The following RBFOX1 variants were observed in gnomAD, a reference collection of about 807,000 sequenced individuals.
The protein encoded by RBFOX1 is RNA binding protein fox-1 homolog 1.
Under a neutral mutation model 57.7 loss-of-function variants are expected in RBFOX1, and 8 were observed. That is an observed-to-expected ratio of 0.14 (90% confidence interval 0.08 to 0.25). RBFOX1 has a LOEUF of 0.25. RBFOX1 is among the 10% of genes least tolerant of loss of function. The probability of loss-of-function intolerance (pLI) is 1.00; values close to 1 mark genes in which losing one functional copy is unlikely to be tolerated. For missense variants in RBFOX1, 611 were observed against 548.5 expected (o/e 1.11, Z -1.14); for synonymous variants, 326 against 222.4 (o/e 1.47, Z -4.15).
chr16:6,479,415 C>A (rs1218815313), intron 2 of RBFOX1, among the ~76,000 whole-genome samples: 2 of 152,014 alleles, frequency 1.3e-5, no homozygotes, highest in African/African-American at 4.8e-5. Context: ...TGGTGAAACC[C>A]TGTCTCTACT....
intron 2 of RBFOX1, among the ~76,000 whole-genome samples, chr16:6,484,272 G>A (rs1671971792): frequency 6.6e-6 from 1 of 152,212 alleles, no homozygotes; most frequent in South Asian, 2.1e-4. Flanking sequence ...AAGTTGGCAT[G>A]CTCACGTTGC....
chr16:5,659,514 A>G (rs1049396171), intron 3 of RBFOX1, among the ~76,000 whole-genome samples: 18 of 152,026 alleles, frequency 1.2e-4, no homozygotes, highest in African/African-American at 4.1e-4. Flanking sequence ...CATGTTAGCC[A>G]GGATGGCCTC....
chr16:7,350,406 A>C (rs1299181793), intron 4 of RBFOX1, among the ~76,000 whole-genome samples: 1 of 152,202 alleles, frequency 6.6e-6, no homozygotes, highest in Non-Finnish European at 1.5e-5. Context: ...ACACAAAGTC[A>C]GGTGTGCAAT....
intron 3 of RBFOX1, among the ~76,000 whole-genome samples, chr16:6,821,660 C>T (rs2091328268): frequency 6.6e-6 from 1 of 152,294 alleles, no homozygotes; most frequent in South Asian, 2.1e-4. Context: ...TTTCATCTGA[C>T]TTCTTTCAGC....
At chr16:5,355,098 G>A (rs556791808) in intron 1 of RBFOX1, among the ~76,000 whole-genome samples, 2 of 151,496 alleles carry the variant, frequency 1.3e-5, no homozygotes, top group Admixed American at 1.3e-4. Flanking sequence ...AGAGAGAGAG[G>A]GAGGGATTCA....
At chr16:7,064,206 T>A (rs2055348613) in intron 4 of RBFOX1, among the ~76,000 whole-genome samples, 1 of 130,274 alleles carries the variant, frequency 7.7e-6, no homozygotes, top group Non-Finnish European at 1.5e-5. Context: ...TCTCACTATG[T>A]GGCCTAGGCT....
intron 4 of RBFOX1, among the ~76,000 whole-genome samples, chr16:7,153,530 A>T (rs527530770): frequency 1.3e-5 from 2 of 151,842 alleles, no homozygotes; most frequent in Admixed American, 1.3e-4. Context: ...AGGTCAAGAG[A>T]TCGAGACCAT....
intron 3 of RBFOX1, among the ~76,000 whole-genome samples, chr16:6,702,324 C>T (rs1018166871): frequency 1.1e-4 from 17 of 152,126 alleles, no homozygotes; most frequent in African/African-American, 3.9e-4. Flanking sequence ...AAGGCCGAGG[C>T]AGGCAGATTA....
chr16:5,983,521 G>A (rs386468163), intron 4 of RBFOX1, among the ~76,000 whole-genome samples: 2 of 152,258 alleles, frequency 1.3e-5, no homozygotes, highest in East Asian at 1.9e-4. Context: ...GGGAAAAACC[G>A]CACAGCCCAG....
intron 3 of RBFOX1, among the ~76,000 whole-genome samples, chr16:5,788,222 T>C (rs1268982511): frequency 1.3e-5 from 2 of 152,190 alleles, no homozygotes; most frequent in Non-Finnish European, 2.9e-5. Context: ...TTACCCTGGA[T>C]GGAGAGAAGA....
chr16:6,197,816 A>G (rs1223652785), intron 1 of RBFOX1, among the ~76,000 whole-genome samples: 2 of 151,806 alleles, frequency 1.3e-5, no homozygotes, highest in South Asian at 2.1e-4. Flanking sequence ...CTCCACCCTC[A>G]AGTAGGACTC....
At chr16:5,813,335 A>G (rs1272239200) in intron 3 of RBFOX1, among the ~76,000 whole-genome samples, 1 of 152,186 alleles carries the variant, frequency 6.6e-6, no homozygotes, top group Non-Finnish European at 1.5e-5. Context: ...TACAACCATT[A>G]TGGTTCCAGA....
intron 3 of RBFOX1, among the ~76,000 whole-genome samples, chr16:5,680,843 A>T (rs1390507107): frequency 6.6e-6 from 1 of 152,122 alleles, no homozygotes; most frequent in Non-Finnish European, 1.5e-5. Flanking sequence ...AATGCTAGAC[A>T]TAGAGTAATG....
chr16:5,675,267 GA>G (rs1158867226), intron 3 of RBFOX1, among the ~76,000 whole-genome samples: 3 of 152,082 alleles, frequency 2.0e-5, no homozygotes, highest in African/African-American at 7.2e-5. Context: ...GAAAGAGAGT[GA>G]AAACACATTT....
chr16:6,459,235 C>G (rs2094849267), intron 2 of RBFOX1, among the ~76,000 whole-genome samples: 2 of 152,126 alleles, frequency 1.3e-5, no homozygotes, highest in Admixed American at 1.3e-4. Context: ...ACTTGGGAGG[C>G]TGAGGCAGGA....
At chr16:6,483,330 C>G in intron 2 of RBFOX1, 1 of 1,468,882 alleles carries the variant, frequency 6.8e-7, no homozygotes, top group Non-Finnish European at 9.0e-7. Context: ...CGTTCTGCAC[C>G]TGCTGGCGGT....
intron 2 of RBFOX1, among the ~76,000 whole-genome samples, chr16:6,550,176 C>G (rs1292278091): frequency 6.6e-6 from 1 of 151,992 alleles, no homozygotes. Context: ...TGGTACACTT[C>G]TTTTTTGGGG....
chr16:6,730,444 T>C (rs927943997), intron 3 of RBFOX1, among the ~76,000 whole-genome samples: 56 of 23,442 alleles, frequency 2.4e-3, no homozygotes, highest in East Asian at 0.5. Flanking sequence ...ATCTATCAAT[T>C]TATCAAATTA....
chr16:5,854,609 T>G (rs369173319), intron 3 of RBFOX1, among the ~76,000 whole-genome samples: 1 of 132,052 alleles, frequency 7.6e-6, no homozygotes. Flanking sequence ...CACACACACA[T>G]GCACACCACA....
Sources: allele counts gnomAD v4.1 joint callset (sites outside exome capture counted in the v4.1 genomes callset), GRCh38; gene constraint gnomAD v4.1.1; transcripts MANE v1.5; gene names NCBI Gene and HGNC (gene_info 2026-07-23, HGNC 2026-07-21).